CSGALNACT1: variants seen among roughly 807,000 people sequenced by gnomAD.
CSGALNACT1 encodes beta4GalNAcT-1.
Under a neutral mutation model 51.0 loss-of-function variants are expected in CSGALNACT1, and 52 were observed. The observed-to-expected ratio is 1.02, with a 90% CI of 0.82 to 1.29. The LOEUF (loss-of-function observed/expected upper bound fraction) is 1.29. Among genes scored for constraint, CSGALNACT1 ranks in the 50% most tolerant of loss-of-function variants. The pLI is 0.00. For missense variants in CSGALNACT1, 935 were observed against 679.2 expected (o/e 1.38, Z -4.19); for synonymous variants, 341 against 254.4 (o/e 1.34, Z -3.24).
chr8:19,405,577 A>G (rs766776951), exon 10 of CSGALNACT1: 3 of 729,974 alleles, frequency 4.1e-6, no homozygotes, highest in South Asian at 1.5e-5. Context: ...ACAGGGTGCA[A>G]CTGGGTTACT....
rs562327207 is a variant in CSGALNACT1 at position 19,480,088 on chromosome 8, G to A, written c.635-21446C>T. 3.3e-5 allele frequency among the ~76,000 whole-genome samples: 5 copies of A among 152,214 alleles called. No homozygotes were observed. The South Asian group carries it at 1.0e-3, about 32-fold the overall frequency. On this transcript the variant is annotated intron_variant, in intron 4 of 9. Coordinates refer to ENST00000454498, the Ensembl canonical transcript of CSGALNACT1. ...GCCTTCCTTCTTAAATTCTGAATAG[G>A]AAACAAGTCATGTATTTTATTTTTA...
intron 2 of CSGALNACT1, among the ~76,000 whole-genome samples, chr8:19,593,766 G>C (rs975986301): frequency 5.9e-5 from 9 of 152,152 alleles, no homozygotes; most frequent in Non-Finnish European, 1.3e-4. Context: ...TCCTACACAT[G>C]CTCCAAGAAT....
At chr8:19,687,221 G>T (rs113103449), upstream of CSGALNACT1, among the ~76,000 whole-genome samples, 23 of 152,128 alleles carry the variant, frequency 1.5e-4, no homozygotes, top group African/African-American at 5.5e-4. Context: ...TCTCTAGTTG[G>T]TCATCCTACC....
chr8:19,534,682 G>A (rs2083411934), intron 3 of CSGALNACT1, among the ~76,000 whole-genome samples: 1 of 152,026 alleles, frequency 6.6e-6, no homozygotes, highest in African/African-American at 2.4e-5. Context: ...AACCGAATCA[G>A]AAACGAGAAA....
intron 3 of CSGALNACT1, among the ~76,000 whole-genome samples, chr8:19,570,280 A>G (rs2042737981): frequency 6.6e-6 from 1 of 152,174 alleles, no homozygotes; most frequent in South Asian, 2.1e-4. Context: ...ATTCGTTTTA[A>G]TCATTTTAAT....
At chr8:19,734,404 T>C (rs2063852280) in intron 1 of CSGALNACT1, among the ~76,000 whole-genome samples, 1 of 152,344 alleles carries the variant, frequency 6.6e-6, no homozygotes, top group East Asian at 1.9e-4. Context: ...AAATGCCTCA[T>C]GATATTGCAC....
At chr8:19,713,147 A>T (rs1050213366) in intron 1 of CSGALNACT1, among the ~76,000 whole-genome samples, 1 of 152,098 alleles carries the variant, frequency 6.6e-6, no homozygotes, top group Admixed American at 6.5e-5. Flanking sequence ...AAATCATCTC[A>T]CTAGGAAGTG....
At chr8:19,736,850 T>C (rs1300658034) in intron 1 of CSGALNACT1, among the ~76,000 whole-genome samples, 8 of 151,842 alleles carry the variant, frequency 5.3e-5, no homozygotes, top group Admixed American at 5.2e-4. Context: ...TTCAAAGAAA[T>C]AATGGCTGAG....
At chr8:19,557,818 A>G (rs988658771) in intron 3 of CSGALNACT1, among the ~76,000 whole-genome samples, 4 of 152,192 alleles carry the variant, frequency 2.6e-5, no homozygotes, top group African/African-American at 9.6e-5. Context: ...CATAAACCCC[A>G]TGAGGAAGGA....
intron 8 of CSGALNACT1, among the ~76,000 whole-genome samples, chr8:19,410,578 C>A (rs1288667882): frequency 6.6e-6 from 1 of 152,110 alleles, no homozygotes; most frequent in African/African-American, 2.4e-5. Context: ...ATTGGCCAAG[C>A]CTTGGGAAGG....
chr8:19,488,923 G>A (rs1191808919), intron 4 of CSGALNACT1, among the ~76,000 whole-genome samples: 3 of 151,976 alleles, frequency 2.0e-5, no homozygotes, highest in Non-Finnish European at 4.4e-5. Context: ...CAGAATACAG[G>A]GTTTTCATTT....
chr8:19,756,319 C>T (rs2065371958), intron 1 of CSGALNACT1, among the ~76,000 whole-genome samples: 1 of 152,026 alleles, frequency 6.6e-6, no homozygotes, highest in African/African-American at 2.4e-5. Flanking sequence ...GCTTTGAAAC[C>T]AGAAGAAAAG....
chr8:19,440,263 TAA>T (rs1282371292), intron 5 of CSGALNACT1, among the ~76,000 whole-genome samples: 1 of 152,118 alleles, frequency 6.6e-6, no homozygotes, highest in Non-Finnish European at 1.5e-5. Context: ...TCTTACCCCA[TAA>T]AAAGACTATT....
chr8:19,439,003 T>G lies in CSGALNACT1; in HGVS notation c.953+827A>C, dbSNP rs547036330. Among the ~76,000 whole-genome samples, 3 of 152,298 alleles carry G rather than the reference T, an allele frequency of 2.0e-5. No individual in the cohort carries two copies. In the South Asian group the frequency reaches 6.2e-4, roughly 32 times the overall value. On this transcript the variant is annotated intron_variant, in intron 6 of 9. Transcript: ENST00000454498. ...TACTCAGACTATGTCTGCCCCTGAG[T>G]ACCACTGGCCATACTCAAACCTTCA... is the stretch of plus-strand genomic sequence containing the variant.
exon 4 of CSGALNACT1, chr8:19,505,599 A>G (rs2077178531): frequency 1.2e-6 from 2 of 1,614,022 alleles, no homozygotes; most frequent in East Asian, 4.5e-5. Flanking sequence ...GAGCTGTGCG[A>G]TCTGCCGCTT....
chr8:19,428,823 ATATGTGTGTGTGTGTGTGTG>A (rs2059191981), intron 6 of CSGALNACT1, among the ~76,000 whole-genome samples: 1 of 51,248 alleles, frequency 2.0e-5, no homozygotes, highest in African/African-American at 5.2e-5. Flanking sequence ...ATAAGACATG[ATATGTGTGTGTGTGTGTGTG>A]TGTGTGTGTG....
At chr8:19,711,793 C>T (rs1291533182) in intron 1 of CSGALNACT1, among the ~76,000 whole-genome samples, 1 of 152,140 alleles carries the variant, frequency 6.6e-6, no homozygotes, top group Non-Finnish European at 1.5e-5. Context: ...TCCTCTTTGT[C>T]GTGGTGTCCC....
chr8:19,604,570 C>A (rs1257629748), upstream of CSGALNACT1, among the ~76,000 whole-genome samples: 2 of 152,082 alleles, frequency 1.3e-5, no homozygotes, highest in African/African-American at 2.4e-5. Context: ...TTGCAACACA[C>A]CTTCACCTAC....
chr8:19,616,920 G>A (rs931749213), intron 1 of CSGALNACT1, among the ~76,000 whole-genome samples: 1 of 152,198 alleles, frequency 6.6e-6, no homozygotes, highest in African/African-American at 2.4e-5. Context: ...GGTTGGGGGA[G>A]ATGATTTGGG....
Sources: gnomAD v4.1 joint callset for allele counts (sites outside exome capture counted in the v4.1 genomes callset) on GRCh38, gnomAD v4.1.1 for gene constraint, MANE v1.5 for transcripts, NCBI Gene and HGNC (gene_info 2026-07-23, HGNC 2026-07-21) for gene names.